The following MITF variants were observed in gnomAD, a reference collection of about 807,000 sequenced individuals.
MITF encodes melanocyte inducing transcription factor.
A neutral mutation model predicts 60.5 loss-of-function variants in MITF; 17 were observed. The observed-to-expected ratio is 0.28, with a 90% CI of 0.19 to 0.42. The LOEUF (loss-of-function observed/expected upper bound fraction) is 0.42. Ranked by LOEUF, MITF falls within the 10% of genes least tolerant of loss-of-function variation. The probability of loss-of-function intolerance (pLI) is 1.00; values close to 1 mark genes in which losing one functional copy is unlikely to be tolerated. For missense variants in MITF, 622 were observed against 683.5 expected (o/e 0.91, Z 1.00); for synonymous variants, 260 against 248.5 (o/e 1.05, Z -0.43).
chr3:69,932,513 T>C (rs1355496614), intron 2 of MITF, among the ~76,000 whole-genome samples: 1 of 152,208 alleles, frequency 6.6e-6, no homozygotes, highest in Non-Finnish European at 1.5e-5. Context: ...TTGTCAACCA[T>C]AGCCATTTCG....
chr3:69,924,622 G>A (rs992785803), intron 2 of MITF, among the ~76,000 whole-genome samples: 2 of 152,084 alleles, frequency 1.3e-5, no homozygotes, highest in Non-Finnish European at 2.9e-5. Flanking sequence ...CCTGTTTCAC[G>A]GATACCTCCC....
chr3:69,902,784 G>A (rs776643689), intron 2 of MITF, among the ~76,000 whole-genome samples: 18 of 151,428 alleles, frequency 1.2e-4, no homozygotes, highest in Admixed American at 2.0e-4. Context: ...ATTAACTTGC[G>A]TTTGCCTTGG....
At chr3:69,840,075 A>G (rs535956993) in intron 1 of MITF, among the ~76,000 whole-genome samples, 12 of 152,318 alleles carry the variant, frequency 7.9e-5, no homozygotes, top group African/African-American at 2.9e-4. Context: ...GCAAGGGTAT[A>G]TTATGGAATA....
chr3:69,849,173 C>T lies in MITF; in HGVS notation c.105-29961C>T, dbSNP rs546445405. Among the ~76,000 whole-genome samples the T allele has an allele frequency of 1.3e-4, 19 of 151,478 alleles. No homozygotes were observed. In the South Asian group the frequency reaches 4.0e-3, roughly 32 times the overall value. ...TAGAGACGGGGTTTCACCATTTTAGCCGGGGTGGTCTCGATCTCCTGACCT... is the reference window on the plus strand; with the variant it reads ...TAGAGACGGGGTTTCACCATTTTAGTCGGGGTGGTCTCGATCTCCTGACCT... On this transcript the variant is annotated intron_variant, in intron 1 of 9. Coordinates refer to ENST00000352241, the MANE Select transcript of MITF (RefSeq NM_001354604.2).
rs117125066 is a variant in MITF at position 69,898,605 on chromosome 3, C to T, written c.354+19222C>T. On this transcript the variant is annotated intron_variant, in intron 2 of 9. Transcript: ENST00000352241. ...GGACAGAGAGGGAGAACCTATGAAG[C>T]AGCCAGTAGGACAGAGGGGGAGAAC... Among the ~76,000 whole-genome samples, 4 of 152,302 alleles carry T rather than the reference C, an allele frequency of 2.6e-5. No homozygotes were observed. In the East Asian group the frequency reaches 7.7e-4, roughly 29 times the overall value.
chr3:69,800,631 T>TA (rs1186028074), intron 1 of MITF, among the ~76,000 whole-genome samples: 4 of 151,476 alleles, frequency 2.6e-5, no homozygotes. Context: ...TATTTTCAGT[T>TA]AAAAAAAAAT....
chr3:69,894,263 G>A (rs143834022), intron 2 of MITF, among the ~76,000 whole-genome samples: 6 of 152,326 alleles, frequency 3.9e-5, no homozygotes, highest in Non-Finnish European at 7.3e-5. Flanking sequence ...AGTGATCTGT[G>A]TTCAGAGTGT....
intron 2 of MITF, among the ~76,000 whole-genome samples, chr3:69,886,923 G>A (rs1333696073): frequency 2.6e-5 from 4 of 151,982 alleles, no homozygotes; most frequent in Non-Finnish European, 5.9e-5. Context: ...ATGCTTTATA[G>A]TTCTGAGTAT....
At position 69,847,607 on chromosome 3, in the gene MITF, GA is replaced by G. The variant is rs559599457; in HGVS notation, c.105-31519del. On this transcript the variant is annotated intron_variant, in intron 1 of 9. Coordinates refer to ENST00000352241, the MANE Select transcript of MITF (RefSeq NM_001354604.2). ...CTAGCAGTTACAGAAACAGAAGTAT[GA>G]AAAAAAATCATTCACTAAATAGCTG... Among the ~76,000 whole-genome samples, 571 of 152,118 alleles carry G rather than the reference GA, an allele frequency of 3.8e-3. 6 individuals are homozygous for G. The highest frequency in any genetic ancestry group is 5.4e-3 in the Non-Finnish European group (369 of 67,990).
At chr3:69,938,414 A>G (rs910299629) in intron 3 of MITF, 1 of 1,551,204 alleles carries the variant, frequency 6.4e-7, no homozygotes, top group African/African-American at 1.4e-5. Flanking sequence ...AAGCAAAAAT[A>G]GAAGAGGTGT....
chr3:69,919,768 T>C (rs1376566196), intron 2 of MITF, among the ~76,000 whole-genome samples: 1 of 152,028 alleles, frequency 6.6e-6, no homozygotes, highest in Non-Finnish European at 1.5e-5. Context: ...TGGAAAGAAA[T>C]AACTTTTCAA....
intron 1 of MITF, among the ~76,000 whole-genome samples, chr3:69,754,215 T>C (rs1309637980): frequency 7.3e-5 from 11 of 151,400 alleles, no homozygotes; most frequent in Non-Finnish European, 1.5e-4. Context: ...TTAGTCTCTC[T>C]CTCTCCTTTT....
chr3:69,828,609 A>G (rs141527281), intron 1 of MITF, among the ~76,000 whole-genome samples: 81 of 151,972 alleles, frequency 5.3e-4, no homozygotes, highest in African/African-American at 1.8e-3. Context: ...AGATTATATT[A>G]TATAAATAGA....
chr3:69,854,724 A>G (rs2063886289), intron 1 of MITF, among the ~76,000 whole-genome samples: 1 of 152,150 alleles, frequency 6.6e-6, no homozygotes, highest in Non-Finnish European at 1.5e-5. Context: ...TGAAGGCCAT[A>G]CTGTGCATTG....
intron 2 of MITF, among the ~76,000 whole-genome samples, chr3:69,882,202 A>G (rs1456873384): frequency 1.3e-5 from 2 of 152,146 alleles, no homozygotes; most frequent in Non-Finnish European, 2.9e-5. Context: ...ACTTAGGACT[A>G]GTCAGATTTT....
At chr3:69,755,470 TTG>T (rs1704110183) in intron 1 of MITF, among the ~76,000 whole-genome samples, 1 of 82,436 alleles carries the variant, frequency 1.2e-5, no homozygotes, top group Non-Finnish European at 2.5e-5. Flanking sequence ...TTTTTTTTTT[TTG>T]GGAATAGCAG....
At chr3:69,936,856 G>T in intron 2 of MITF, 2 of 1,033,246 alleles carry the variant, frequency 1.9e-6, no homozygotes, top group Non-Finnish European at 2.9e-6. Context: ...TTTTCAATAA[G>T]TATAAATCTG....
chr3:69,912,671 C>G (rs1246535230), intron 2 of MITF, among the ~76,000 whole-genome samples: 1 of 152,186 alleles, frequency 6.6e-6, no homozygotes, highest in Non-Finnish European at 1.5e-5. Context: ...TGTTAGAAAG[C>G]TTCACAAACC....
intron 2 of MITF, among the ~76,000 whole-genome samples, chr3:69,926,646 T>A (rs889741955): frequency 5.9e-5 from 9 of 152,138 alleles, no homozygotes; most frequent in African/African-American, 2.2e-4. Context: ...TGTGGAATGC[T>A]GCACTCGCAG....
Sources: gnomAD v4.1 joint callset for allele counts (sites outside exome capture counted in the v4.1 genomes callset) on GRCh38, gnomAD v4.1.1 for gene constraint, MANE v1.5 for transcripts, NCBI Gene and HGNC (gene_info 2026-07-23, HGNC 2026-07-21) for gene names.